KIF7: variants seen among roughly 807,000 people sequenced by gnomAD.
KIF7 encodes the protein kinesin family member 7.
A neutral mutation model predicts 135.7 loss-of-function variants in KIF7; 104 were observed. The ratio of observed to expected loss-of-function variants is 0.77; its 90% CI spans 0.65 to 0.90. KIF7 has a LOEUF of 0.90. KIF7 is among the 40% of genes least tolerant of loss of function. The probability of loss-of-function intolerance (pLI) is 0.00; values close to 1 mark genes in which losing one functional copy is unlikely to be tolerated. For synonymous variants in KIF7, 883 were observed against 809.4 expected, an observed-to-expected ratio of 1.09 and a Z score of -1.54; for missense variants, 2,005 against 1,839.1, an observed-to-expected ratio of 1.09 and a Z score of -1.65.
At chr15:89,637,676 C>T (rs1963837284) in intron 11 of KIF7, among the ~76,000 whole-genome samples, 1 of 146,348 alleles carries the variant, frequency 6.8e-6, no homozygotes, top group African/African-American at 2.5e-5. Context: ...TGGCAATAAT[C>T]AATAGCTTAC....
chr15:89,654,501 CG>C (rs1478333081), intron 1 of KIF7, among the ~76,000 whole-genome samples: 3 of 152,100 alleles, frequency 2.0e-5, no homozygotes, highest in Admixed American at 6.5e-5. Flanking sequence ...CAGGGAGCCA[CG>C]GAAGCTCCCC....
chr15:89,635,507 G>C (rs1350437371), intron 11 of KIF7, among the ~76,000 whole-genome samples: 1 of 152,186 alleles, frequency 6.6e-6, no homozygotes, highest in Non-Finnish European at 1.5e-5. Flanking sequence ...TGAAAACCAA[G>C]GCTCGAGAAC....
Position 89,649,764 on chromosome 15 carries a change from C to A in KIF7, c.506G>T (p.Arg169Leu). 1 of 1,551,900 alleles carries A rather than the reference C, an allele frequency of 6.4e-7. No homozygotes were observed. The stretch of plus-strand genomic sequence containing the variant: ...ACCAACATTCCCGCGCTCATCTTCC[C>A]GGAGCTGGATGTCACGGCTGGCAGT... The part of the protein sequence containing the change: ...VGTASRDIQL[R>L]EDERGNVVLC... The change falls in exon 3 of 19, where the codon CGG becomes CTG. Residue 169 changes from arginine (R) to leucine (L), a missense_variant. Physicochemically the swap from Arg to Leu is moderately radical, Grantham distance 102 (BLOSUM62 -2). Coordinates refer to ENST00000394412, the MANE Select transcript of KIF7 (RefSeq NM_198525.3).
At chr15:89,654,386 C>G (rs931096569) in intron 1 of KIF7, among the ~76,000 whole-genome samples, 1 of 151,840 alleles carries the variant, frequency 6.6e-6, no homozygotes, top group African/African-American at 2.4e-5. Context: ...CTACTCACTT[C>G]CCACACCCCA....
downstream of KIF7, chr15:89,625,043 T>C (rs773664834): frequency 1.6e-5 from 26 of 1,613,882 alleles, no homozygotes; most frequent in Non-Finnish European, 2.1e-5. Context: ...ATTAAGAAGA[T>C]AGACCCCAGC....
chr15:89,624,227 T>C, downstream of KIF7: 2 of 1,614,208 alleles, frequency 1.2e-6, no homozygotes, highest in South Asian at 1.1e-5. Flanking sequence ...TCCCCACCTG[T>C]TACGCCAAAG....
chr15:89,628,685 C>T lies in KIF7; in HGVS notation c.3766G>A (p.Glu1256Lys), dbSNP rs1307825021. The change falls in exon 19 of 19, where the codon GAG (glutamate) becomes AAG (lysine). Residue 1256 changes from glutamate (E) to lysine (K), a missense_variant. Physicochemically the swap from Glu to Lys is moderately conservative, Grantham distance 56. Transcript: ENST00000394412. Reference sequence around the variant, plus strand: ...TCCTCCCGGGTGCGGGGGGCCCCCTCAGTGAGGGGGGACAGCCAGAGAAGC... The same window carrying T: ...TCCTCCCGGGTGCGGGGGGCCCCCTTAGTGAGGGGGGACAGCCAGAGAAGC... ...PELLWLSPLTEGAPRTREETR... is the reference protein window; with the variant it reads ...PELLWLSPLTKGAPRTREETR... The T allele has an allele frequency of 2.5e-6, 4 of 1,612,852 alleles. No individual in the cohort carries two copies. Among genetic ancestry groups the T allele is most frequent in the Non-Finnish European group, 3.4e-6 (4 of 1,179,890 alleles).
Position 89,631,767 on chromosome 15 carries a change from G to T in KIF7, c.2896-57C>A, listed in dbSNP as rs111848204. The T allele has an allele frequency of 4.5e-4, 648 of 1,425,922 alleles. 8 individuals are homozygous for T. In the Middle Eastern group the frequency reaches 0.018, roughly 40 times the overall value. 88.3% of individuals were successfully genotyped at this position (1,425,922 alleles called of 1,614,324 possible). ...GAACAGGCACTGTCCTCACAGGGGG[G>T]ACAGAAAGGGCCGGATGTTAAGGAG... On this transcript the variant is annotated intron_variant, in intron 14 of 18. Transcript: ENST00000394412.
At chr15:89,647,990 G>A (rs1193726038) in intron 5 of KIF7, among the ~76,000 whole-genome samples, 1 of 152,164 alleles carries the variant, frequency 6.6e-6, no homozygotes, top group Non-Finnish European at 1.5e-5. Flanking sequence ...CGGCATGCTA[G>A]GCACATGTGA....
At chr15:89,627,280 CAGG>C (rs1169268822), downstream of KIF7, 5 of 663,196 alleles carry the variant, frequency 7.5e-6, no homozygotes, top group South Asian at 2.2e-5. Context: ...GGGGAAGTTG[CAGG>C]AGGAGAGGTG....
chr15:89,649,868 G>A lies in KIF7; in HGVS notation c.402C>T (p.Asn134=), dbSNP rs569704065. 93 of 1,551,784 alleles carry A rather than the reference G, an allele frequency of 6.0e-5. No individual in the cohort carries two copies. The South Asian group carries it at 8.9e-4, about 15-fold the overall frequency. The change falls in exon 3 of 19, where the codon AAC becomes AAT. Residue 134 remains asparagine (N), a synonymous_variant. Coordinates refer to ENST00000394412, the MANE Select transcript of KIF7 (RefSeq NM_198525.3). ...MAEAFKLIDE[N]DLLDCLVHVS... is the part of the protein sequence containing the mutation. ...CATGTACCAGACAGTCAAGCAGGTCGTTCTCATCGATGAGCTTGAAGGCCT... is the reference window on the plus strand; with the variant it reads ...CATGTACCAGACAGTCAAGCAGGTCATTCTCATCGATGAGCTTGAAGGCCT...
downstream of KIF7, chr15:89,624,437 C>T (rs1276010105): frequency 2.5e-6 from 4 of 1,614,192 alleles, no homozygotes; most frequent in South Asian, 4.4e-5. Context: ...GTCCCTCCTC[C>T]ACCCCCTTCT....
chr15:89,632,785 C>T (rs1963707967), intron 14 of KIF7, 35 bp downstream of exon 14: 2 of 1,590,436 alleles, frequency 1.3e-6, no homozygotes, highest in Admixed American at 1.7e-5. Context: ...TTCACTGGAC[C>T]TCACCTGGCA....
chr15:89,619,939 A>C (rs1251542042), intron 1 of KIF7: 52 of 1,439,552 alleles, frequency 3.6e-5, no homozygotes, highest in Non-Finnish European at 4.6e-5. Context: ...TTCTTTCTTG[A>C]CATTGGAGAA....
chr15:89,625,192 C>T (rs143517554), downstream of KIF7: 500 of 1,613,770 alleles, frequency 3.1e-4, 2 homozygotes, highest in African/African-American at 5.6e-3. Flanking sequence ...CCCCTGCCCC[C>T]GCCTCTCCCA....
At chr15:89,621,333 A>G (rs886429176) in intron 1 of KIF7, 3 of 1,532,542 alleles carry the variant, frequency 2.0e-6, no homozygotes, top group African/African-American at 2.8e-5. Context: ...CTGTTTTAAT[A>G]GTATTGGAAG....
Position 89,622,806 on chromosome 15 carries a change from A to G in KIF7, c.181-4611T>C, listed in dbSNP as rs140976724. ...TTGTTTTCTATGCCTACAGGCCGCC[A>G]CCACCCCACCCACTTTTCCTGTGTT... On this transcript the variant is annotated intron_variant and NMD_transcript_variant, in intron 1 of 2. Transcript: ENST00000558928. Among the ~76,000 whole-genome samples the G allele has an allele frequency of 1.5e-3, 225 of 152,012 alleles. 3 individuals are homozygous for G. The East Asian group carries it at 0.04, about 27-fold the overall frequency.
chr15:89,633,990 G>T (rs1385844071), intron 11 of KIF7, 107 bp from the exon 12 acceptor site: 2 of 1,171,212 alleles, frequency 1.7e-6, no homozygotes, highest in Admixed American at 3.5e-5. Context: ...ATGGGTAGGT[G>T]GGTGATAGAC....
intron 11 of KIF7, among the ~76,000 whole-genome samples, chr15:89,636,127 T>A (rs866263999): frequency 1.3e-5 from 2 of 151,552 alleles, no homozygotes; most frequent in African/African-American, 4.9e-5. Context: ...CAAGCAAATG[T>A]TGAGAGATTT....
Sources: gnomAD v4.1 joint callset for allele counts (sites outside exome capture counted in the v4.1 genomes callset) on GRCh38, gnomAD v4.1.1 for gene constraint, MANE v1.5 for transcripts, NCBI Gene and HGNC (gene_info 2026-07-23, HGNC 2026-07-21) for gene names.